The following GRM3 variants were observed in gnomAD, a reference collection of about 807,000 sequenced individuals.
The protein encoded by GRM3 is glutamate metabotropic receptor 3, also known as metabotropic glutamate receptor 3.
In GRM3, 26 loss-of-function variants were observed where a neutral mutation model predicts 70.5. The observed-to-expected ratio is 0.37, with a 90% CI of 0.27 to 0.51. The LOEUF (loss-of-function observed/expected upper bound fraction) is 0.51. Ranked by LOEUF, GRM3 falls within the 20% of genes least tolerant of loss-of-function variation. The pLI is 0.93. For synonymous variants in GRM3, 443 were observed against 434.9 expected (o/e 1.02, Z -0.23); for missense variants, 859 against 1,123.8 (o/e 0.76, Z 3.37).
At chr7:86,775,165 T>C (rs1402830204) in intron 2 of GRM3, 2 of 152,156 alleles carry the variant, frequency 1.3e-5, no homozygotes, top group Non-Finnish European at 2.9e-5. Flanking sequence ...TTATCTTTTC[T>C]AAGATGCTTC....
At chr7:86,828,051 G>T (rs1231352099) in intron 3 of GRM3, among the ~76,000 whole-genome samples, 2 of 143,914 alleles carry the variant, frequency 1.4e-5, no homozygotes, top group Non-Finnish European at 3.0e-5. Context: ...GGCAGAGCTT[G>T]CAGTGAGCCG....
chr7:86,675,664 A>C (rs556661169), intron 1 of GRM3, among the ~76,000 whole-genome samples: 3 of 152,112 alleles, frequency 2.0e-5, no homozygotes, highest in Non-Finnish European at 2.9e-5. Context: ...TGCAAGTAGA[A>C]TATTGATCTG....
intron 1 of GRM3, among the ~76,000 whole-genome samples, chr7:86,723,226 A>AT (rs1322740368): frequency 2.1e-5 from 3 of 145,324 alleles, no homozygotes; most frequent in Non-Finnish European, 3.1e-5. Context: ...TTCTACATCC[A>AT]TAAAAAAAAT....
At chr7:86,813,064 T>C (rs1297924330) in intron 3 of GRM3, among the ~76,000 whole-genome samples, 2 of 151,812 alleles carry the variant, frequency 1.3e-5, no homozygotes, top group African/African-American at 4.8e-5. Context: ...TCAGAACTTC[T>C]AGAGTTATTT....
intron 2 of GRM3, 33 bp downstream of exon 2, chr7:86,765,646 G>C: frequency 1.3e-6 from 2 of 1,578,006 alleles, no homozygotes; most frequent in Middle Eastern, 1.7e-4. Context: ...CTAAAAGGCT[G>C]TATCTCTTTG....
intron 1 of GRM3, among the ~76,000 whole-genome samples, chr7:86,655,865 T>G (rs558692387): frequency 4.9e-4 from 72 of 146,436 alleles, no homozygotes; most frequent in Non-Finnish European, 8.2e-4. Flanking sequence ...TGGGTGGGTG[T>G]GTGTGTATGT....
At chr7:86,855,540 T>G (rs574731130) in intron 5 of GRM3, among the ~76,000 whole-genome samples, 2 of 152,330 alleles carry the variant, frequency 1.3e-5, no homozygotes, top group South Asian at 2.1e-4. Context: ...TGTAGGCATA[T>G]GGAGATTGAT....
chr7:86,662,644 C>A (rs1340647586), intron 1 of GRM3, among the ~76,000 whole-genome samples: 1 of 151,876 alleles, frequency 6.6e-6, no homozygotes, highest in Non-Finnish European at 1.5e-5. Flanking sequence ...TCGGCTCAAA[C>A]ATTTTTCTCA....
At chr7:86,660,570 G>C (rs953851786) in intron 1 of GRM3, among the ~76,000 whole-genome samples, 6 of 151,966 alleles carry the variant, frequency 3.9e-5, no homozygotes, top group African/African-American at 1.4e-4. Context: ...TCAGAATTCT[G>C]ACTGCAATAT....
chr7:86,786,524 G>T lies in GRM3; in HGVS notation c.732G>T (p.Ala244=). The T allele has an allele frequency of 1.2e-6, 2 of 1,614,118 alleles. No individual in the cohort carries two copies. The highest frequency in any genetic ancestry group is 1.7e-6 in the Non-Finnish European group (2 of 1,180,048). Residue 244 remains alanine (A), a synonymous_variant, in exon 3 of 6, where the codon GCG becomes GCT. Transcript: ENST00000361669. This position sits in a 1 kb window ranked among gnomAD's most constrained non-coding sequence, Gnocchi z 6.0. ...ARLRNICIAT[A]EKVGRSNIRK... ...TGCGCAACATCTGCATCGCTACGGC[G>T]GAGAAGGTGGGCCGCTCCAACATCC... is the stretch of plus-strand genomic sequence containing the variant.
intron 1 of GRM3, among the ~76,000 whole-genome samples, chr7:86,645,798 T>C (rs1793445901): frequency 1.3e-5 from 2 of 152,150 alleles, no homozygotes; most frequent in Admixed American, 1.3e-4. Context: ...AAAATATTTC[T>C]ACTATTTGAA....
intron 3 of GRM3, among the ~76,000 whole-genome samples, chr7:86,832,511 A>C (rs981548071): frequency 6.6e-6 from 1 of 152,018 alleles, no homozygotes; most frequent in African/African-American, 2.4e-5. Context: ...TCAGCCTCCC[A>C]AAATGCTGGG....
At chr7:86,702,788 A>T (rs1794972534) in intron 1 of GRM3, among the ~76,000 whole-genome samples, 1 of 151,972 alleles carries the variant, frequency 6.6e-6, no homozygotes, top group African/African-American at 2.4e-5. Flanking sequence ...TAACACCTGA[A>T]CACAGTTCTT....
intron 1 of GRM3, among the ~76,000 whole-genome samples, chr7:86,692,265 T>A (rs1172487801): frequency 1.3e-5 from 2 of 152,194 alleles, no homozygotes; most frequent in Non-Finnish European, 2.9e-5. Flanking sequence ...TTTTCAAACA[T>A]TTTTTCTCTT....
At position 86,709,169 on chromosome 7, in the gene GRM3, C is replaced by T. The variant is rs540888331; in HGVS notation, c.-140-55837C>T. Among the ~76,000 whole-genome samples the T allele has an allele frequency of 1.5e-3, 235 of 152,130 alleles. 3 individuals carry two copies. Among genetic ancestry groups the T allele is most frequent in the Non-Finnish European group, 2.2e-4 (15 of 67,976 alleles). ...GGGTTTGGCCCTGAACTCAAACTTT[C>T]AGACCGTGAGTTTTTAAGCCCAATT... On this transcript the variant is annotated intron_variant, in intron 1 of 5. Coordinates refer to ENST00000361669, the MANE Select transcript of GRM3 (RefSeq NM_000840.3).
chr7:86,649,645 G>A (rs553214750), intron 1 of GRM3, among the ~76,000 whole-genome samples: 26 of 151,450 alleles, frequency 1.7e-4, no homozygotes, highest in Non-Finnish European at 3.4e-4. Flanking sequence ...TATCTAAACA[G>A]ATTAAAAAAA....
At chr7:86,840,055 T>G (rs1039601686) in intron 4 of GRM3, 150 bp downstream of exon 4, 8 of 611,100 alleles carry the variant, frequency 1.3e-5, no homozygotes, top group African/African-American at 1.9e-5. Flanking sequence ...TTAAAATTAA[T>G]TATGTATGTA....
chr7:86,846,301 G>T (rs1278024975), intron 4 of GRM3, among the ~76,000 whole-genome samples: 4 of 152,140 alleles, frequency 2.6e-5, no homozygotes, highest in African/African-American at 7.2e-5. Context: ...AACTACAGCT[G>T]GGGATTAATC....
chr7:86,862,732 T>C (rs1798984249), intron 5 of GRM3, among the ~76,000 whole-genome samples: 1 of 152,180 alleles, frequency 6.6e-6, no homozygotes. Flanking sequence ...GTAGATTCCC[T>C]AGTGGTGGAC....
Sources: allele counts gnomAD v4.1 joint callset (sites outside exome capture counted in the v4.1 genomes callset), GRCh38; gene constraint gnomAD v4.1.1; non-coding constraint Gnocchi (gnomAD v3.1); transcripts MANE v1.5; gene names NCBI Gene and HGNC (gene_info 2026-07-23, HGNC 2026-07-21).